The following ARFGEF1 variants were observed in gnomAD, a reference collection of about 807,000 sequenced individuals.
The protein encoded by ARFGEF1 is brefeldin A-inhibited guanine nucleotide-exchange protein 1.
ARFGEF1 carries 42 observed loss-of-function variants against 231.0 expected under a neutral mutation model. The ratio of observed to expected loss-of-function variants is 0.18; its 90% CI spans 0.14 to 0.24. The LOEUF (loss-of-function observed/expected upper bound fraction) is 0.24, where lower values mean the gene tolerates loss of function less well. Ranked by LOEUF, ARFGEF1 falls within the 10% of genes least tolerant of loss-of-function variation. ARFGEF1 has a pLI of 1.00. For synonymous variants in ARFGEF1, 710 were observed against 732.3 expected (o/e 0.97, Z 0.49); for missense variants, 1,345 against 2,192.0 (o/e 0.61, Z 7.72).
chr8:67,253,547 C>G lies in ARFGEF1; in HGVS notation c.2602G>C (p.Glu868Gln), dbSNP rs1840363784. The change falls in exon 18 of 39, where the codon GAG (glutamate) becomes CAG (glutamine). Residue 868 changes from glutamate to glutamine, a missense_variant. Physicochemically the swap from Glu to Gln is conservative, Grantham distance 29. Coordinates refer to ENST00000262215, the MANE Select transcript of ARFGEF1 (RefSeq NM_006421.5). The part of the protein sequence containing the change: ...GINDSKDLPE[E>Q]YLSAIYNEIA... ...TCATTATAGATGGCTGATAGATACTCTTCAGGAAGGTCTTTACTGTCATTG... is the reference window on the plus strand; with the variant it reads ...TCATTATAGATGGCTGATAGATACTGTTCAGGAAGGTCTTTACTGTCATTG... 2.5e-6 allele frequency: 4 copies of G among 1,587,070 alleles called. No individual in the cohort carries two copies. The highest frequency in any genetic ancestry group is 3.5e-6 in the Non-Finnish European group (4 of 1,156,754).
intron 19 of ARFGEF1, 120 bp downstream of exon 19, chr8:67,251,179 A>C (rs909662126): frequency 3.3e-6 from 3 of 922,996 alleles, no homozygotes; most frequent in Non-Finnish European, 4.4e-6. Flanking sequence ...TATGAATTTC[A>C]CCTCAATATG....
chr8:67,238,701 C>G (rs371932850), intron 21 of ARFGEF1, 34 bp downstream of exon 21: 16 of 1,603,796 alleles, frequency 1.0e-5, no homozygotes, highest in Non-Finnish European at 1.4e-5. Flanking sequence ...ATTTTATAAA[C>G]CAAATTGCAA....
chr8:67,338,639 ACTATT>A (rs1774470141), intron 1 of ARFGEF1, among the ~76,000 whole-genome samples: 1 of 152,234 alleles, frequency 6.6e-6, no homozygotes, highest in Non-Finnish European at 1.5e-5. Flanking sequence ...TTCAGTCAAC[ACTATT>A]CTAGAGCAAG....
At chr8:67,279,003 C>A (rs1475021632) in intron 7 of ARFGEF1, among the ~76,000 whole-genome samples, 1 of 152,044 alleles carries the variant, frequency 6.6e-6, no homozygotes, top group East Asian at 1.9e-4. Context: ...GTGGCTCATG[C>A]CTATAATTCC....
chr8:67,267,972 A>AT (rs1804918154), intron 10 of ARFGEF1, among the ~76,000 whole-genome samples: 1 of 152,170 alleles, frequency 6.6e-6, no homozygotes, highest in Non-Finnish European at 1.5e-5. Context: ...TGAAAACTAC[A>AT]TATGAACTAT....
intron 29 of ARFGEF1, among the ~76,000 whole-genome samples, chr8:67,220,093 T>C (rs1245405834): frequency 6.6e-6 from 1 of 152,248 alleles, no homozygotes; most frequent in Non-Finnish European, 1.5e-5. Flanking sequence ...TGTTTATTTC[T>C]TGCTATATCC....
In ARFGEF1 at chr8:67,198,612, G is replaced by A; in HGVS notation, c.*322C>T. On this transcript the variant is annotated 3_prime_UTR_variant, in exon 39 of 39. Transcript: ENST00000262215. ...TAGAAGTTCAATCTTTACATCTATAGTTCTTTGGGTAAGTTTCACTTCCAC... is the reference window on the plus strand; with the variant it reads ...TAGAAGTTCAATCTTTACATCTATAATTCTTTGGGTAAGTTTCACTTCCAC... 1 of 1,071,982 alleles carries A rather than the reference G, an allele frequency of 9.3e-7. No homozygotes were observed. Among genetic ancestry groups the A allele is most frequent in the Admixed American group, 5.2e-5 (1 of 19,254 alleles). 66.4% of individuals were successfully genotyped at this position (1,071,982 alleles called of 1,614,324 possible). A position where few individuals can be genotyped will look rare whatever the true frequency, so the allele number is the denominator to read the frequency against.
chr8:67,236,349 TAAAAA>T (rs1554638965), intron 22 of ARFGEF1, among the ~76,000 whole-genome samples: 28 of 13,952 alleles, frequency 2.0e-3, no homozygotes, highest in South Asian at 4.0e-3. Flanking sequence ...AGATATTAGT[TAAAAA>T]AAAAAAAAAA....
At position 67,187,620 on chromosome 8, in the gene ARFGEF1, G is replaced by C. The variant is rs567271853; in HGVS notation, c.561-12048C>G. 1.3e-4 allele frequency among the ~76,000 whole-genome samples: 20 copies of C among 152,138 alleles called. 1 individual carries two copies. The South Asian group carries it at 4.0e-3, about 30-fold the overall frequency. On this transcript the variant is annotated intron_variant, in intron 5 of 5. Coordinates refer to the ARFGEF1 transcript ENST00000518789. ...GATTACTTGAGCCTGGAAGTTCAAG[G>C]CTGCCGTGAGCTATGATCACGCCAC...
chr8:67,293,782 G>T (rs1324417669), intron 5 of ARFGEF1, among the ~76,000 whole-genome samples: 2 of 152,076 alleles, frequency 1.3e-5, no homozygotes, highest in Non-Finnish European at 2.9e-5. Context: ...TGATTATAAG[G>T]TAGACATGTG....
downstream of ARFGEF1, chr8:67,193,421 T>C: frequency 1.3e-6 from 2 of 1,577,852 alleles, no homozygotes; most frequent in African/African-American, 1.3e-5. Flanking sequence ...TGTGAACATA[T>C]TTTGTGTTAA....
downstream of ARFGEF1, among the ~76,000 whole-genome samples, chr8:67,192,914 G>GT (rs913190914): frequency 6.6e-6 from 1 of 152,140 alleles, no homozygotes; most frequent in African/African-American, 2.4e-5. Flanking sequence ...TGCTGCTTCA[G>GT]TTTTTTCCTT....
intron 34 of ARFGEF1, among the ~76,000 whole-genome samples, chr8:67,206,273 G>T (rs1356754267): frequency 1.3e-5 from 2 of 152,016 alleles, no homozygotes; most frequent in African/African-American, 2.4e-5. Context: ...AGCCGGGTGT[G>T]GTGGCGTGTG....
rs1259762884 is a variant in ARFGEF1, at chr8:67,201,676, G to C, written c.5129-71C>G. ...ATGTAAAGGTGAAACAGCCCGTATG[G>C]AGGCACATTTTGTTTGTGCTCAGCC... is the stretch of plus-strand genomic sequence containing the variant. On this transcript the variant is annotated intron_variant, in intron 36 of 38. Coordinates refer to ENST00000262215, the MANE Select transcript of ARFGEF1 (RefSeq NM_006421.5). The C allele has an allele frequency of 3.5e-5, 55 of 1,588,524 alleles. No homozygotes were observed. In the South Asian group the frequency reaches 5.2e-4, roughly 15 times the overall value.
intron 1 of ARFGEF1, among the ~76,000 whole-genome samples, chr8:67,320,902 A>C (rs1807558917): frequency 6.6e-6 from 1 of 152,100 alleles, no homozygotes; most frequent in Non-Finnish European, 1.5e-5. Flanking sequence ...AGGTTGCAAT[A>C]AGCAGATCGC....
chr8:67,192,146 C>T (rs1262863685), intron 5 of ARFGEF1, among the ~76,000 whole-genome samples: 1 of 150,146 alleles, frequency 6.7e-6, no homozygotes, highest in East Asian at 2.0e-4. Context: ...GATCTCAGTG[C>T]ACTGCACCCT....
chr8:67,318,562 T>C (rs993953346), intron 1 of ARFGEF1, among the ~76,000 whole-genome samples: 1 of 152,030 alleles, frequency 6.6e-6, no homozygotes, highest in Non-Finnish European at 1.5e-5. Context: ...TCCCAAGAAA[T>C]CTTGAAGAAG....
chr8:67,186,971 A>ATCTATCTG (rs1427873221), intron 5 of ARFGEF1, among the ~76,000 whole-genome samples: 4 of 32,114 alleles, frequency 1.2e-4, no homozygotes, highest in Admixed American at 3.0e-4. Context: ...TCTATCTATC[A>ATCTATCTG]TCTATCTATC....
chr8:67,189,576 T>G (rs1835630869), intron 5 of ARFGEF1, among the ~76,000 whole-genome samples: 1 of 152,242 alleles, frequency 6.6e-6, no homozygotes, highest in Non-Finnish European at 1.5e-5. Flanking sequence ...AATCTGAATA[T>G]CAATTATATG....
Sources: allele counts gnomAD v4.1 joint callset (sites outside exome capture counted in the v4.1 genomes callset), GRCh38; gene constraint gnomAD v4.1.1; transcripts MANE v1.5; gene names NCBI Gene and HGNC (gene_info 2026-07-23, HGNC 2026-07-21).